ARHGAP20: variants seen among roughly 807,000 people sequenced by gnomAD.
ARHGAP20 encodes Rho GTPase activating protein 20.
Under a neutral mutation model 73.7 loss-of-function variants are expected in ARHGAP20, and 34 were observed. The observed-to-expected ratio is 0.46, with a 90% CI of 0.35 to 0.61. The LOEUF (loss-of-function observed/expected upper bound fraction) is 0.61. Among genes scored for constraint, ARHGAP20 ranks in the 20% least tolerant of loss-of-function variants. ARHGAP20 has a pLI of 0.00. For synonymous variants in ARHGAP20, 523 were observed against 518.2 expected (o/e 1.01, Z -0.13); for missense variants, 1,314 against 1,420.9 (o/e 0.92, Z 1.21).
chr11:110,691,215 G>A (rs1433402046), intron 1 of ARHGAP20, among the ~76,000 whole-genome samples: 1 of 151,944 alleles, frequency 6.6e-6, no homozygotes, highest in Non-Finnish European at 1.5e-5. Context: ...ATAAATATAA[G>A]ACGGTGGTAA....
intron 1 of ARHGAP20, among the ~76,000 whole-genome samples, chr11:110,699,160 T>A (rs1950395657): frequency 2.0e-5 from 3 of 152,058 alleles, no homozygotes; most frequent in Middle Eastern, 6.8e-3. Context: ...ATTTCACTGT[T>A]TACCCAAAGG....
chr11:110,631,654 G>C (rs181415492), intron 2 of ARHGAP20, among the ~76,000 whole-genome samples: 27 of 152,186 alleles, frequency 1.8e-4, no homozygotes, highest in Admixed American at 1.6e-3. Flanking sequence ...CACTACTGAG[G>C]AATGGACATC....
chr11:110,696,156 T>C (rs564943774), intron 1 of ARHGAP20, among the ~76,000 whole-genome samples: 1 of 151,508 alleles, frequency 6.6e-6, no homozygotes, highest in Non-Finnish European at 1.5e-5. Flanking sequence ...TGCCTAGAGT[T>C]TGGGGAGACA....
intron 2 of ARHGAP20, among the ~76,000 whole-genome samples, chr11:110,654,098 G>A (rs1949416321): frequency 6.6e-6 from 1 of 152,054 alleles, no homozygotes; most frequent in African/African-American, 2.4e-5. Flanking sequence ...GATGCATGCT[G>A]GGCTTAATAC....
chr11:110,584,976 T>TGAATAC (rs1228004250), intron 12 of ARHGAP20, among the ~76,000 whole-genome samples: 1 of 149,024 alleles, frequency 6.7e-6, no homozygotes, highest in African/African-American at 2.5e-5. Context: ...TATATGAATA[T>TGAATAC]ATATGTGAAA....
intron 6 of ARHGAP20, among the ~76,000 whole-genome samples, chr11:110,612,463 G>A (rs946151201): frequency 6.6e-6 from 1 of 151,294 alleles, no homozygotes; most frequent in Non-Finnish European, 1.5e-5. Flanking sequence ...CAAACAAAAA[G>A]AGTTAACAAG....
intron 1 of ARHGAP20, among the ~76,000 whole-genome samples, chr11:110,696,364 T>A (rs975347624): frequency 6.6e-6 from 1 of 151,674 alleles, no homozygotes; most frequent in African/African-American, 2.4e-5. Flanking sequence ...ACCAAATTAC[T>A]AAACCACTGG....
chr11:110,682,103 T>C (rs777945786), intron 2 of ARHGAP20, among the ~76,000 whole-genome samples: 3 of 152,150 alleles, frequency 2.0e-5, no homozygotes, highest in Non-Finnish European at 4.4e-5. Flanking sequence ...CCTAGAAATA[T>C]AATTGTCTTG....
chr11:110,634,230 T>C (rs1045658002), intron 2 of ARHGAP20, among the ~76,000 whole-genome samples: 5 of 151,978 alleles, frequency 3.3e-5, no homozygotes, highest in Non-Finnish European at 7.4e-5. Flanking sequence ...TGTCTGGAAT[T>C]TGAGGAGTAA....
chr11:110,625,259 G>T (rs540661239), intron 3 of ARHGAP20, among the ~76,000 whole-genome samples: 3 of 151,132 alleles, frequency 2.0e-5, no homozygotes, highest in Admixed American at 6.6e-5. Context: ...GGATGGTCTC[G>T]ATCTCTTGAC....
At chr11:110,638,697 G>T (rs1269507860) in intron 2 of ARHGAP20, among the ~76,000 whole-genome samples, 4 of 152,020 alleles carry the variant, frequency 2.6e-5, no homozygotes, top group African/African-American at 9.7e-5. Context: ...CATGTCCTTT[G>T]TAGGGACATG....
At chr11:110,696,933 A>G (rs1177827161) in intron 1 of ARHGAP20, among the ~76,000 whole-genome samples, 1 of 151,844 alleles carries the variant, frequency 6.6e-6, no homozygotes, top group African/African-American at 2.4e-5. Flanking sequence ...ATAGTATTCC[A>G]TGGTGTATTT....
In ARHGAP20 at chr11:110,577,255, ATATAT is replaced by A. The variant is rs1430680595; in HGVS notation, c.*2110_*2114del. ...GCATTTTAGATAAAGCATCAGTCTA[ATATAT>A]TATAGATTGATGGAGTATAATAAAA... On this transcript the variant is annotated 3_prime_UTR_variant, in exon 15 of 15. Coordinates refer to ENST00000683387, the MANE Select transcript of ARHGAP20 (RefSeq NM_001384657.1). 14 of 1,457,228 alleles carry A rather than the reference ATATAT, an allele frequency of 9.6e-6. No individual in the cohort carries two copies. Among genetic ancestry groups the A allele is most frequent in the South Asian group, 1.4e-5 (1 of 71,460 alleles). The allele number at this position is 1,457,228 out of a possible 1,614,324, so 90.3% of individuals were successfully genotyped here.
Position 110,614,465 on chromosome 11 carries a change from T to C in ARHGAP20, c.630+96A>G, listed in dbSNP as rs1948439441. 4 of 1,136,008 alleles carry C rather than the reference T, an allele frequency of 3.5e-6. No individual in the cohort carries two copies. In the African/African-American group the frequency reaches 6.5e-5, roughly 18 times the overall value. 70.4% of individuals were successfully genotyped at this position (1,136,008 alleles called of 1,614,324 possible). ...CTACCTTCCATAGCACATACACAGTTAGCCTGCCTGCCTGCCTGCTCTCTC... is the reference window on the plus strand; with the variant it reads ...CTACCTTCCATAGCACATACACAGTCAGCCTGCCTGCCTGCCTGCTCTCTC... On this transcript the variant is annotated intron_variant, in intron 6 of 14. Transcript: ENST00000683387.
At chr11:110,607,521 A>AT (rs960639976) in intron 8 of ARHGAP20, among the ~76,000 whole-genome samples, 13 of 152,080 alleles carry the variant, frequency 8.5e-5, no homozygotes, top group South Asian at 6.2e-4. Flanking sequence ...ACTGATGTAG[A>AT]TTTTTTTTAA....
rs577845464 is a variant in ARHGAP20 at position 110,659,174 on chromosome 11, C to T, written c.189-28382G>A. 1.8e-3 allele frequency among the ~76,000 whole-genome samples: 260 copies of T among 145,498 alleles called. 1 individual carries two copies. The highest frequency in any genetic ancestry group is 6.5e-3 in the African/African-American group (254 of 38,958). ...TGGTTGAACTAGTTTACAGTCCCAC[C>T]AACAGTGTAAAAGTGTTCCTATTTC... On this transcript the variant is annotated intron_variant, in intron 2 of 14. Coordinates refer to ENST00000683387, the MANE Select transcript of ARHGAP20 (RefSeq NM_001384657.1).
intron 1 of ARHGAP20, among the ~76,000 whole-genome samples, chr11:110,710,842 T>C (rs1423369543): frequency 6.6e-6 from 1 of 152,172 alleles, no homozygotes; most frequent in Non-Finnish European, 1.5e-5. Context: ...GGAAGATTTA[T>C]GAAAGGCAGT....
At chr11:110,696,614 T>G (rs1414591882) in intron 1 of ARHGAP20, among the ~76,000 whole-genome samples, 1 of 149,840 alleles carries the variant, frequency 6.7e-6, no homozygotes, top group Non-Finnish European at 1.5e-5. Context: ...TGTGCATGTT[T>G]GCTACATCGG....
intron 9 of ARHGAP20, among the ~76,000 whole-genome samples, chr11:110,596,502 A>G (rs1283541087): frequency 1.3e-5 from 2 of 152,166 alleles, no homozygotes; most frequent in Middle Eastern, 3.2e-3. Context: ...ACACTTCTCA[A>G]AAGAAGACAT....
Sources: allele counts gnomAD v4.1 joint callset (sites outside exome capture counted in the v4.1 genomes callset), GRCh38; gene constraint gnomAD v4.1.1; transcripts MANE v1.5; gene names NCBI Gene and HGNC (gene_info 2026-07-23, HGNC 2026-07-21).